NXF1: variants seen among roughly 807,000 people sequenced by gnomAD.
NXF1 encodes the protein mRNA export factor TAP.
In NXF1, 43 loss-of-function variants were observed where a neutral mutation model predicts 92.4. That is an observed-to-expected ratio of 0.47 (90% CI 0.36 to 0.60). The LOEUF (loss-of-function observed/expected upper bound fraction) is 0.60. NXF1 is among the 20% of genes least tolerant of loss of function. The pLI, the probability that NXF1 is intolerant of heterozygous loss-of-function variation, is 0.00. For missense variants in NXF1, 576 were observed against 793.0 expected (o/e 0.73, Z 3.29); for synonymous variants, 288 against 292.2 (o/e 0.99, Z 0.15).
At chr11:62,797,483 T>C in intron 11 of NXF1, 97 bp from the exon 12 acceptor site, 1 of 1,062,178 alleles carries the variant, frequency 9.4e-7, no homozygotes, top group South Asian at 1.4e-5. Flanking sequence ...GCAGATGGCT[T>C]GAGCTCAGGA....
rs755458988 is a variant in NXF1, at chr11:62,803,772, C to A, written c.215+20G>T. 2 of 1,608,548 alleles carry A rather than the reference C, an allele frequency of 1.2e-6. No individual in the cohort carries two copies. Among genetic ancestry groups the A allele is most frequent in the South Asian group, 2.2e-5 (2 of 90,522 alleles). Reference sequence around the variant, plus strand: ...ATCTCATGAGCCACTAAATTCAAACCAGACCAACTGGTCACTCACTATCGT... The same window carrying A: ...ATCTCATGAGCCACTAAATTCAAACAAGACCAACTGGTCACTCACTATCGT... On this transcript the variant is annotated intron_variant, in intron 2 of 20. Transcript: ENST00000294172.
chr11:62,802,398 G>C (rs762101632), intron 3 of NXF1, 138 bp from the exon 4 acceptor site: 2 of 646,806 alleles, frequency 3.1e-6, no homozygotes, highest in Non-Finnish European at 5.4e-6. Context: ...TTCTACTTGA[G>C]ATACACATAG....
intron 9 of NXF1, among the ~76,000 whole-genome samples, chr11:62,800,823 G>A (rs987548283): frequency 1.3e-4 from 20 of 152,086 alleles, no homozygotes; most frequent in Non-Finnish European, 2.2e-4. Context: ...AGGCTAGAAT[G>A]CAACGGCACA....
chr11:62,802,384 G>C (rs2084488934), intron 3 of NXF1, 124 bp from the exon 4 acceptor site: 1 of 706,180 alleles, frequency 1.4e-6, no homozygotes, highest in South Asian at 1.8e-5. Context: ...ACCAGTACTA[G>C]GTTTTCTACT....
rs1231354340 is a variant in NXF1, at chr11:62,803,418, C to T, written c.369+1G>A. The T allele has an allele frequency of 6.2e-7, 1 of 1,613,616 alleles. No individual in the cohort carries two copies. Among genetic ancestry groups the T allele is most frequent in the Admixed American group, 1.7e-5 (1 of 60,016 alleles). ...ACCATCTACTTTCTCAAAGTACTCACTGTAATCTTGAACCAGTTCTTTGAG... is the reference window on the plus strand; with the variant it reads ...ACCATCTACTTTCTCAAAGTACTCATTGTAATCTTGAACCAGTTCTTTGAG... On this transcript the variant is annotated splice_donor_variant, in intron 3 of 20. Transcript: ENST00000294172. LOFTEE classifies it high-confidence loss of function.
intron 10 of NXF1, chr11:62,800,087 T>C (rs1565200199): frequency 4.0e-6 from 5 of 1,250,966 alleles, no homozygotes; most frequent in Middle Eastern, 3.1e-4. Flanking sequence ...GAGATGCCTT[T>C]CCTGGAACAA....
rs2084372949 is a variant in NXF1 at position 62,792,348 on chromosome 11, GC to G, written c.*127del. 9 of 1,126,646 alleles carry G rather than the reference GC, an allele frequency of 8.0e-6. No homozygotes were observed. The highest frequency in any genetic ancestry group is 1.2e-5 in the Non-Finnish European group (9 of 744,362). 69.8% of individuals were successfully genotyped at this position (1,126,646 alleles called of 1,614,324 possible). On this transcript the variant is annotated 3_prime_UTR_variant, in exon 21 of 21. Coordinates refer to ENST00000294172, the MANE Select transcript of NXF1 (RefSeq NM_006362.5). ...GGCAGGCGAGGAGAGGGATCAGGCAGCCCTCCCTCCCTCGGTCACAGTCACG... is the reference window on the plus strand; with the variant it reads ...GGCAGGCGAGGAGAGGGATCAGGCAGCCTCCCTCCCTCGGTCACAGTCACG...
Position 62,800,486 on chromosome 11 carries a change from A to C in NXF1, c.907T>G (p.Leu303Val), listed in dbSNP as rs1259142794. 4 of 1,611,692 alleles carry C rather than the reference A, an allele frequency of 2.5e-6. No homozygotes were observed. Among genetic ancestry groups the C allele is most frequent in the Non-Finnish European group, 3.4e-6 (4 of 1,178,254 alleles). ...LKILNLSGNE[L>V]KSERELDKIK... is the part of the protein sequence containing the mutation. ...TTGTCCAATTCCCGCTCAGACTTCA[A>C]CTGCAAAGGGTGGAAGGAACAAAGG... The change falls in exon 10 of 21, where the codon TTG becomes GTG. Residue 303 changes from leucine to valine, a missense_variant and splice_region_variant. Transcript: ENST00000294172.
intron 13 of NXF1, 115 bp downstream of exon 13, chr11:62,797,066 CAA>C (rs1160921166): frequency 0.01 from 6,035 of 602,890 alleles, no homozygotes; most frequent in East Asian, 0.012. Context: ...AGACACTGTC[CAA>C]AAAAAAAAAA....
At chr11:62,803,726 G>A (rs1411605159) in intron 2 of NXF1, 66 bp downstream of exon 2, 7 of 1,562,256 alleles carry the variant, frequency 4.5e-6, no homozygotes, top group South Asian at 1.2e-5. Flanking sequence ...GAAATGACAT[G>A]GACAGTAAAA....
intron 9 of NXF1, 91 bp from the exon 10 acceptor site, chr11:62,800,577 GATCTTTTCTA>G: frequency 8.4e-6 from 6 of 711,436 alleles, no homozygotes; most frequent in Non-Finnish European, 6.9e-6. Flanking sequence ...TTAGCTCTGA[GATCTTTTCTA>G]ATCTTTTAAA....
chr11:62,795,193 T>G (rs1333000429), intron 17 of NXF1, 186 bp from the exon 18 acceptor site: 2 of 566,782 alleles, frequency 3.5e-6, no homozygotes, highest in Non-Finnish European at 6.3e-6. Context: ...TAGTAATAAC[T>G]ACGGCCGGGC....
At chr11:62,804,572 TA>T in intron 1 of NXF1, among the ~76,000 whole-genome samples, 1 of 152,214 alleles carries the variant, frequency 6.6e-6, no homozygotes, top group South Asian at 2.1e-4. Flanking sequence ...ACTGGCGTCT[TA>T]AAAAAGGTCC....
rs1565198921 is a variant in NXF1 at position 62,797,357 on chromosome 11, G to A, written c.1083C>T (p.Ala361=). 6.2e-7 allele frequency: 1 copy of A among 1,613,814 alleles called. No individual in the cohort carries two copies. The highest frequency in any genetic ancestry group is 8.5e-7 in the Non-Finnish European group (1 of 1,179,994). Residue 361 remains alanine, a synonymous_variant, in exon 12 of 21, where the codon GCC becomes GCT. Coordinates refer to ENST00000294172, the MANE Select transcript of NXF1 (RefSeq NM_006362.5). ...LDGHELPPPI[A]FDVEAPTTLP... is the part of the protein sequence containing the mutation. ...ACGTCGTGGGGGCTTCAACATCAAA[G>A]GCAATTGGTGGGGGTAGCTCATGGC...
At position 62,796,097 on chromosome 11, in the gene NXF1, T is replaced by A; in HGVS notation, c.1430A>T (p.Asn477Ile). 1 of 1,612,836 alleles carries A rather than the reference T, an allele frequency of 6.2e-7. No homozygotes were observed. The highest frequency in any genetic ancestry group is 1.1e-5 in the South Asian group (1 of 91,030). ...GGCGCTTATGTCTACCACGAAGGAA[T>A]TGACGTCGTGCTGGGTTTTGGGCAA... ...NELPKTQHDV[N>I]SFVVDISAQT... Residue 477 changes from asparagine (N) to isoleucine (I), a missense_variant, in exon 16 of 21, where the codon AAT becomes ATT. Coordinates refer to ENST00000294172, the MANE Select transcript of NXF1 (RefSeq NM_006362.5).
chr11:62,798,587 G>A lies in NXF1; in HGVS notation c.1017-12C>T, dbSNP rs142603731. 1,878 of 1,613,900 alleles carry A rather than the reference G, an allele frequency of 1.2e-3. 3 individuals are homozygous for A. The highest frequency in any genetic ancestry group is 1.5e-3 in the South Asian group (136 of 91,046). On this transcript the variant is annotated splice_polypyrimidine_tract_variant and intron_variant, in intron 10 of 20. Transcript: ENST00000294172. ...GTTCGCGAATGGCGCTGTCAAGAAC[G>A]GGACAGAAGTGAGTGATGCTTCAGA...
At chr11:62,794,832 T>C (rs758684350) in intron 18 of NXF1, 103 bp downstream of exon 18, 1 of 1,048,820 alleles carries the variant, frequency 9.5e-7, no homozygotes. Flanking sequence ...TGATTTCCTG[T>C]TGCCTTTCTG....
At position 62,792,145 on chromosome 11, in the gene NXF1, T is replaced by C. The variant is rs981143315; in HGVS notation, c.*331A>G. On this transcript the variant is annotated 3_prime_UTR_variant, in exon 21 of 21. Coordinates refer to ENST00000294172, the MANE Select transcript of NXF1 (RefSeq NM_006362.5). The stretch of plus-strand genomic sequence containing the variant: ...GAACACGAAATACAACATCACTCTT[T>C]ATATTAAAAAGTGCAGAACACGAAA... 1.4e-6 allele frequency: 1 copy of C among 690,306 alleles called. No individual in the cohort carries two copies. The highest frequency in any genetic ancestry group is 1.9e-5 in the South Asian group (1 of 51,588). The allele number at this position is 690,306 out of a possible 1,614,324, so 42.8% of individuals were successfully genotyped here. A position where few individuals can be genotyped will look rare whatever the true frequency, so the allele number is the denominator to read the frequency against.
chr11:62,801,693 A>G (rs377282245), intron 6 of NXF1, 46 bp downstream of exon 6: 2 of 1,607,968 alleles, frequency 1.2e-6, no homozygotes, highest in Admixed American at 3.3e-5. Flanking sequence ...GGGGTGTGAG[A>G]AGTAGTAAGA....
Sources: gnomAD v4.1 joint callset for allele counts (sites outside exome capture counted in the v4.1 genomes callset) on GRCh38, gnomAD v4.1.1 for gene constraint, MANE v1.5 for transcripts, NCBI Gene and HGNC (gene_info 2026-07-23, HGNC 2026-07-21) for gene names.